CFB: variants seen among roughly 807,000 people sequenced by gnomAD.
The protein encoded by CFB is B-factor, properdin.
A neutral mutation model predicts 97.2 loss-of-function variants in CFB; 59 were observed. The ratio of observed to expected loss-of-function variants is 0.61; its 90% CI spans 0.49 to 0.75. CFB has a LOEUF of 0.75. Among genes scored for constraint, CFB ranks in the 30% least tolerant of loss-of-function variants. The probability of loss-of-function intolerance (pLI) is 0.00; values close to 1 mark genes in which losing one functional copy is unlikely to be tolerated. For missense variants in CFB, 771 were observed against 959.8 expected (o/e 0.80, Z 2.60); for synonymous variants, 316 against 351.7 (o/e 0.90, Z 1.14).
rs778396739 is a variant in CFB at position 31,947,068 on chromosome 6, C to T, written c.360C>T (p.Tyr120=). 9.3e-6 allele frequency: 15 copies of T among 1,612,908 alleles called. No homozygotes were observed. The highest frequency in any genetic ancestry group is 8.9e-5 in the East Asian group (4 of 44,886). The change falls in exon 3 of 18, where the codon TAC becomes TAT. Residue 120 remains tyrosine (Y), a synonymous_variant. Transcript: ENST00000425368. This position sits in a 1 kb window ranked among gnomAD's most constrained non-coding sequence, Gnocchi z 5.3. ...GGGAATACTGGCCCCGGTCTCCCTA[C>T]TACAATGTGAGTGATGAGATCTCTT... ...ENGEYWPRSP[Y]YNVSDEISFH... is the part of the protein sequence containing the mutation.
Position 31,947,321 on chromosome 6 carries a change from T to G in CFB, c.485-27T>G. ...CTCACGGGGCCTCAGGCTTCAGTGC[T>G]TACCTCGATGTCTCATACCTCTGCA... On this transcript the variant is annotated intron_variant, in intron 3 of 17. Transcript: ENST00000425368. The surrounding 1 kb of genome is among the most constrained non-coding windows in gnomAD (Gnocchi z 5.3). The G allele has an allele frequency of 6.2e-7, 1 of 1,612,840 alleles. No homozygotes were observed. Among genetic ancestry groups the G allele is most frequent in the African/African-American group, 1.3e-5 (1 of 75,032 alleles).
chr6:31,949,571 A>T lies in CFB; in HGVS notation c.1408+14A>T. 1 of 1,612,866 alleles carries T rather than the reference A, an allele frequency of 6.2e-7. No individual in the cohort carries two copies. Among genetic ancestry groups the T allele is most frequent in the East Asian group, 2.2e-5 (1 of 44,886 alleles). On this transcript the variant is annotated intron_variant, in intron 10 of 17. Transcript: ENST00000425368. ...ACCAAATGATCGGTAGGGAGATACA[A>T]GGGAATAAAGAACACAACTCTCCTC...
chr6:31,948,163 T>G (rs1771555468), intron 6 of CFB, 82 bp downstream of exon 6: 7 of 1,577,462 alleles, frequency 4.4e-6, no homozygotes, highest in Middle Eastern at 2.1e-4. Context: ...TTCCAGCCCC[T>G]CTGAACAACA....
At position 31,946,560 on chromosome 6, in the gene CFB, C is replaced by CCTGAAGA; in HGVS notation, c.255_261dup (p.Gln88GlufsTer40). On this transcript the variant is annotated frameshift_variant, in exon 2 of 18. Transcript: ENST00000425368. LOFTEE classifies it high-confidence loss of function. The surrounding 1 kb of genome is among the most constrained non-coding windows in gnomAD (Gnocchi z 6.4). ...GCAGATCTACGGGGTCCTGGAGCAC[C>CCTGAAGA]CTGAAGACTCAAGACCAAAAGACTG... is the stretch of plus-strand genomic sequence containing the variant. 1 of 1,612,430 alleles carries CCTGAAGA rather than the reference C, an allele frequency of 6.2e-7. No homozygotes were observed. Among genetic ancestry groups the CCTGAAGA allele is most frequent in the Admixed American group, 1.7e-5 (1 of 60,020 alleles).
At chr6:31,948,789 T>C in intron 7 of CFB, 41 bp from the exon 8 acceptor site, 1 of 1,613,024 alleles carries the variant, frequency 6.2e-7, no homozygotes, top group Non-Finnish European at 8.5e-7. Flanking sequence ...AAAGATGGCT[T>C]GGAAGACCAG....
Position 31,950,774 on chromosome 6 carries a change from T to G in CFB, c.1778+2T>G. The G allele has an allele frequency of 1.2e-6, 2 of 1,612,930 alleles. No individual in the cohort carries two copies. The highest frequency in any genetic ancestry group is 1.7e-6 in the Non-Finnish European group (2 of 1,180,008). On this transcript the variant is annotated splice_donor_variant, in intron 13 of 17. Coordinates refer to ENST00000425368, the MANE Select transcript of CFB (RefSeq NM_001710.6). LOFTEE classifies it high-confidence loss of function. ...GCTGAAATATGGCCAGACTATCAGGTGAGAGCGTCCAGATCCCTGAGGAAA... is the reference window on the plus strand; with the variant it reads ...GCTGAAATATGGCCAGACTATCAGGGGAGAGCGTCCAGATCCCTGAGGAAA...
Position 31,950,055 on chromosome 6 carries a change from A to C in CFB, c.1414A>C (p.Ser472Arg), listed in dbSNP as rs770384275. 1.9e-6 allele frequency: 3 copies of C among 1,613,048 alleles called. No individual in the cohort carries two copies. The highest frequency in any genetic ancestry group is 1.7e-5 in the Admixed American group (1 of 60,022). Residue 472 changes from serine to arginine, a missense_variant, in exon 11 of 18, where the codon AGC becomes CGC. Ser to Arg is a moderately radical substitution (Grantham distance 110, BLOSUM62 -1). Transcript: ENST00000425368. The part of the protein sequence containing the change: ...EDVFYQMIDE[S>R]QSLSLCGMVW... ...ACATTCTCCTTCTCTGCCAGATGAA[A>C]GCCAGTCTCTGAGTCTCTGTGGCAT...
At position 31,947,209 on chromosome 6, in the gene CFB, C is replaced by T. The variant is rs756408210; in HGVS notation, c.484+17C>T. 1 of 1,612,466 alleles carries T rather than the reference C, an allele frequency of 6.2e-7. No homozygotes were observed. The highest frequency in any genetic ancestry group is 1.3e-5 in the African/African-American group (1 of 74,904). On this transcript the variant is annotated intron_variant, in intron 3 of 17. Coordinates refer to ENST00000425368, the MANE Select transcript of CFB (RefSeq NM_001710.6). The surrounding 1 kb of genome is among the most constrained non-coding windows in gnomAD (Gnocchi z 5.3). ...ACAACGGAGGTGAGAAGCATCCCCT[C>T]CCCCTACATTGCTGTCTCCCTGACG...
In CFB at chr6:31,946,457, G is replaced by A. The variant is rs769314843; in HGVS notation, c.149G>A (p.Arg50Gln). The change falls in exon 2 of 18, where the codon CGA becomes CAA. Residue 50 changes from arginine to glutamine, a missense_variant. Coordinates refer to ENST00000425368, the MANE Select transcript of CFB (RefSeq NM_001710.6). The surrounding 1 kb of genome is among the most constrained non-coding windows in gnomAD (Gnocchi z 6.4). ...EGVEIKGGSF[R>Q]LLQEGQALEY... ...GTAGAGATCAAAGGCGGCTCCTTCC[G>A]ACTTCTCCAAGAGGGCCAGGCACTG... 27 of 1,612,924 alleles carry A rather than the reference G, an allele frequency of 1.7e-5. No individual in the cohort carries two copies. The Admixed American group carries it at 3.3e-4, about 20-fold the overall frequency.
At chr6:31,948,578 T>C (rs1482849114) in intron 7 of CFB, 66 bp downstream of exon 7, 5 of 1,606,028 alleles carry the variant, frequency 3.1e-6, no homozygotes, top group Non-Finnish European at 3.4e-6. Flanking sequence ...GAGGGGGTCA[T>C]GAGACTACCT....
At position 31,949,265 on chromosome 6, in the gene CFB, C is replaced by A; in HGVS notation, c.1191C>A (p.Asp397Glu). The change falls in exon 9 of 18, where the codon GAC becomes GAA. Residue 397 changes from aspartate to glutamate, a missense_variant. Transcript: ENST00000425368. ...MTDGLHNMGG[D>E]PITVIDEIRD... is the part of the protein sequence containing the mutation. ...CAGGATTGCACAACATGGGCGGGGACCCAATTACTGTCATTGATGAGATCC... is the reference window on the plus strand; with the variant it reads ...CAGGATTGCACAACATGGGCGGGGAACCAATTACTGTCATTGATGAGATCC... The A allele has an allele frequency of 1.2e-6, 2 of 1,614,136 alleles. No individual in the cohort carries two copies. Among genetic ancestry groups the A allele is most frequent in the Non-Finnish European group, 1.7e-6 (2 of 1,180,038 alleles).
Position 31,948,051 on chromosome 6 carries a change from C to T in CFB, c.867C>T (p.Ala289=). ...DSIGASNFTG[A]KKCLVNLIEK... ...TTGGGGCCAGCAACTTCACAGGAGCCAAAAAGTGTCTAGTCAACTTAATTG... is the reference window on the plus strand; with the variant it reads ...TTGGGGCCAGCAACTTCACAGGAGCTAAAAAGTGTCTAGTCAACTTAATTG... Residue 289 remains alanine (A), a synonymous_variant, in exon 6 of 18, where the codon GCC becomes GCT. Coordinates refer to ENST00000425368, the MANE Select transcript of CFB (RefSeq NM_001710.6). 1 of 1,614,108 alleles carries T rather than the reference C, an allele frequency of 6.2e-7. No homozygotes were observed. The highest frequency in any genetic ancestry group is 8.5e-7 in the Non-Finnish European group (1 of 1,180,022).
Position 31,951,909 on chromosome 6 carries a change from G to C in CFB, c.2174G>C (p.Cys725Ser). The C allele has an allele frequency of 6.2e-7, 1 of 1,613,144 alleles. No individual in the cohort carries two copies. Among genetic ancestry groups the C allele is most frequent in the Non-Finnish European group, 8.5e-7 (1 of 1,180,044 alleles). Reference protein sequence around the residue: ...GVISWGVVDVCKNQKRQKQVP... With the variant: ...GVISWGVVDVSKNQKRQKQVP... Reference sequence around the variant, plus strand: ...ATCAGCTGGGGAGTAGTGGATGTCTGCAAAAACCAGAAGCGGCAAAAGCAG... The same window carrying C: ...ATCAGCTGGGGAGTAGTGGATGTCTCCAAAAACCAGAAGCGGCAAAAGCAG... The change falls in exon 18 of 18, where the codon TGC (cysteine) becomes TCC (serine). Residue 725 changes from cysteine to serine, a missense_variant. Physicochemically the swap from Cys to Ser is moderately radical, Grantham distance 112 (BLOSUM62 -1). Transcript: ENST00000425368. The surrounding 1 kb of genome is among the most constrained non-coding windows in gnomAD (Gnocchi z 4.3).
chr6:31,951,143 G>A lies in CFB; in HGVS notation c.1856-1G>A, dbSNP rs113885316. On this transcript the variant is annotated splice_acceptor_variant, in intron 14 of 17. Transcript: ENST00000425368. LOFTEE classifies it high-confidence loss of function. The surrounding 1 kb of genome is among the most constrained non-coding windows in gnomAD (Gnocchi z 4.3). The stretch of plus-strand genomic sequence containing the variant: ...TGAAGTGACGCAGTCTATTCGTCCA[G>A]AGGAAGAGCTGCTCCCTGCACAGGA... 6.2e-7 allele frequency: 1 copy of A among 1,612,870 alleles called. No individual in the cohort carries two copies.
chr6:31,949,439 C>G lies in CFB; in HGVS notation c.1290C>G (p.Val430=), dbSNP rs201619743. 6.2e-7 allele frequency: 1 copy of G among 1,614,150 alleles called. No individual in the cohort carries two copies. Among genetic ancestry groups the G allele is most frequent in the Non-Finnish European group, 8.5e-7 (1 of 1,180,042 alleles). The change falls in exon 10 of 18, where the codon GTC becomes GTG. Residue 430 remains valine, a synonymous_variant. Transcript: ENST00000425368. The part of the protein sequence containing the change: ...EDYLDVYVFG[V]GPLVNQVNIN... Reference sequence around the variant, plus strand: ...CCTCAGATGTCTATGTGTTTGGGGTCGGGCCTTTGGTGAACCAAGTGAACA... The same window carrying G: ...CCTCAGATGTCTATGTGTTTGGGGTGGGGCCTTTGGTGAACCAAGTGAACA...
chr6:31,947,061 C>T lies in CFB; in HGVS notation c.353C>T (p.Ser118Phe). The change falls in exon 3 of 18, where the codon TCT becomes TTT. Residue 118 changes from serine to phenylalanine, a missense_variant. By Grantham distance (155) the Ser-to-Phe change is radical. Coordinates refer to ENST00000425368, the MANE Select transcript of CFB (RefSeq NM_001710.6). This position sits in a 1 kb window ranked among gnomAD's most constrained non-coding sequence, Gnocchi z 5.3. Reference protein sequence around the residue: ...DFENGEYWPRSPYYNVSDEIS... With the variant: ...DFENGEYWPRFPYYNVSDEIS... ...GAGAACGGGGAATACTGGCCCCGGT[C>T]TCCCTACTACAATGTGAGTGATGAG... The T allele has an allele frequency of 6.2e-7, 1 of 1,613,036 alleles. No individual in the cohort carries two copies. The highest frequency in any genetic ancestry group is 2.2e-5 in the East Asian group (1 of 44,874).
chr6:31,949,318 G>A lies in CFB; in HGVS notation c.1244G>A (p.Arg415His), dbSNP rs150398964. The change falls in exon 9 of 18, where the codon CGC becomes CAC. Residue 415 changes from arginine to histidine, a missense_variant. By Grantham distance (29) the Arg-to-His change is conservative. Transcript: ENST00000425368. Reference sequence around the variant, plus strand: ...GACTTGCTATACATTGGCAAGGATCGCAAAAACCCAAGGGAGGATTATCTG... The same window carrying A: ...GACTTGCTATACATTGGCAAGGATCACAAAAACCCAAGGGAGGATTATCTG... ...IRDLLYIGKD[R>H]KNPREDYLDV... is the part of the protein sequence containing the mutation. The A allele has an allele frequency of 3.7e-6, 6 of 1,614,118 alleles. No individual in the cohort carries two copies. Among genetic ancestry groups the A allele is most frequent in the African/African-American group, 1.3e-5 (1 of 75,020 alleles).
Position 31,947,226 on chromosome 6 carries a change from T to C in CFB, c.484+34T>C, listed in dbSNP as rs190228111. The stretch of plus-strand genomic sequence containing the variant: ...CATCCCCTCCCCCTACATTGCTGTC[T>C]CCCTGACGGCGCCCAGCCCGAGGAG... On this transcript the variant is annotated intron_variant, in intron 3 of 17. Coordinates refer to ENST00000425368, the MANE Select transcript of CFB (RefSeq NM_001710.6). This position sits in a 1 kb window ranked among gnomAD's most constrained non-coding sequence, Gnocchi z 5.3. 2 of 1,611,602 alleles carry C rather than the reference T, an allele frequency of 1.2e-6. No homozygotes were observed. Among genetic ancestry groups the C allele is most frequent in the Non-Finnish European group, 1.7e-6 (2 of 1,179,568 alleles).
At chr6:31,950,465 T>C in intron 12 of CFB, 62 bp downstream of exon 12, 1 of 1,571,038 alleles carries the variant, frequency 6.4e-7, no homozygotes, top group Non-Finnish European at 8.7e-7. Context: ...CCTCCCACTT[T>C]CTACAGATCC....
Sources: allele counts gnomAD v4.1 joint callset, GRCh38; gene constraint gnomAD v4.1.1; non-coding constraint Gnocchi (gnomAD v3.1); transcripts MANE v1.5; gene names NCBI Gene and HGNC (gene_info 2026-07-23, HGNC 2026-07-21).